The following ABHD6 variants were observed in gnomAD, a reference collection of about 807,000 sequenced individuals.
ABHD6 encodes the protein monoacylglycerol lipase ABHD6.
In ABHD6, 33 loss-of-function variants were observed where a neutral mutation model predicts 38.8. That is an observed-to-expected ratio of 0.85 (90% CI 0.64 to 1.14). The LOEUF is 1.14. ABHD6 is among the 50% of genes most tolerant of loss of function. The pLI is 0.00. For synonymous variants in ABHD6, 147 were observed against 161.6 expected (o/e 0.91, Z 0.69); for missense variants, 380 against 422.6 (o/e 0.90, Z 0.88).
chr3:58,242,816 C>T (rs534490436), intron 1 of ABHD6, among the ~76,000 whole-genome samples: 1 of 152,306 alleles, frequency 6.6e-6, no homozygotes, highest in East Asian at 1.9e-4. Context: ...TGGTTTGCTG[C>T]ACCCGTTAAC....
rs11382919 is a variant in ABHD6 at position 58,265,003 on chromosome 3, A to AT, written c.120-2178dup. Among the ~76,000 whole-genome samples the AT allele has an allele frequency of 0.48, 72,650 of 151,526 alleles. 18,065 individuals are homozygous for AT. The highest frequency in any genetic ancestry group is 0.79 in the East Asian group (4,075 of 5,152). The stretch of plus-strand genomic sequence containing the variant: ...ATAGTAGGTCTTATTCATTCTTTCT[A>AT]TTTTTTTTGTACCCATTAACCATCC... On this transcript the variant is annotated intron_variant, in intron 3 of 9. Transcript: ENST00000478253. This position sits in a 1 kb window ranked among gnomAD's most constrained non-coding sequence, Gnocchi z 4.2.
Position 58,270,980 on chromosome 3 carries a change from A to G in ABHD6, c.439A>G (p.Thr147Ala), listed in dbSNP as rs959583409. ...LNKKPFHLVG[T>A]SMGGQVAGVY... ...CAAAAAACCTTTCCACCTGGTAGGC[A>G]CCTCCATGGGTGGCCAGGTGGCTGG... The change falls in exon 6 of 10, where the codon ACC (threonine) becomes GCC (alanine). Residue 147 changes from threonine (T) to alanine (A), a missense_variant. Coordinates refer to ENST00000478253, the MANE Select transcript of ABHD6 (RefSeq NM_001320126.2). 1.2e-6 allele frequency: 2 copies of G among 1,611,774 alleles called. No individual in the cohort carries two copies. Among genetic ancestry groups the G allele is most frequent in the Non-Finnish European group, 1.7e-6 (2 of 1,179,444 alleles).
chr3:58,248,112 T>C lies in ABHD6; in HGVS notation c.-90-1766T>C, dbSNP rs188386407. 1.2e-4 allele frequency among the ~76,000 whole-genome samples: 18 copies of C among 152,332 alleles called. No individual in the cohort carries two copies. In the East Asian group the frequency reaches 2.7e-3, roughly 23 times the overall value. ...TTTCAGTGTTAGGGTATTACTCTTA[T>C]CCACTGTCTTCTGTTCCATGCTTTT... is the stretch of plus-strand genomic sequence containing the variant. On this transcript the variant is annotated intron_variant, in intron 1 of 9. Coordinates refer to ENST00000478253, the MANE Select transcript of ABHD6 (RefSeq NM_001320126.2).
rs1165841594 is a variant in ABHD6 at position 58,251,920 on chromosome 3, T to C, written c.-26+1978T>C. Among the ~76,000 whole-genome samples the C allele has an allele frequency of 6.6e-6, 1 of 152,220 alleles. No homozygotes were observed. The highest frequency in any genetic ancestry group is 1.5e-5 in the Non-Finnish European group (1 of 68,038). On this transcript the variant is annotated intron_variant, in intron 2 of 9. Transcript: ENST00000478253. This position sits in a 1 kb window ranked among gnomAD's most constrained non-coding sequence, Gnocchi z 5.4. ...ACTCTATTAGGAAAGAAGATTCTTG[T>C]GGGAGCAAGCCAAATCCTACTCTTT...
intron 3 of ABHD6, among the ~76,000 whole-genome samples, chr3:58,261,540 T>C (rs927211678): frequency 6.6e-6 from 1 of 152,062 alleles, no homozygotes; most frequent in African/African-American, 2.4e-5. Context: ...TGCCACCTAA[T>C]TTTTGCGGTT....
rs2097432988 is a variant in ABHD6, at chr3:58,256,054, T to C, written c.-25-508T>C. Among the ~76,000 whole-genome samples the C allele has an allele frequency of 6.7e-6, 1 of 149,030 alleles. No individual in the cohort carries two copies. Among genetic ancestry groups the C allele is most frequent in the South Asian group, 2.1e-4 (1 of 4,666 alleles). On this transcript the variant is annotated intron_variant, in intron 2 of 9. Coordinates refer to ENST00000478253, the MANE Select transcript of ABHD6 (RefSeq NM_001320126.2). The surrounding 1 kb of genome is among the most constrained non-coding windows in gnomAD (Gnocchi z 4.3). ...TAGCATTTTACCATATTTGCTTTATTTCTCTCTCTTTTCCTCCCACCAACA... is the reference window on the plus strand; with the variant it reads ...TAGCATTTTACCATATTTGCTTTATCTCTCTCTCTTTTCCTCCCACCAACA...
At chr3:58,275,751 A>G (rs1471184780) in intron 7 of ABHD6, among the ~76,000 whole-genome samples, 1 of 152,094 alleles carries the variant, frequency 6.6e-6, no homozygotes, top group East Asian at 1.9e-4. Flanking sequence ...CCATCAACTC[A>G]CCATTCACGT....
Position 58,259,701 on chromosome 3 carries a change from CATAAAT to C in ABHD6, c.119+3003_119+3008del, listed in dbSNP as rs546523775. On this transcript the variant is annotated intron_variant, in intron 3 of 9. Transcript: ENST00000478253. The surrounding 1 kb of genome is among the most constrained non-coding windows in gnomAD (Gnocchi z 4.7). ...TGTCTAAATAAATAAATAAATGAAA[CATAAAT>C]ATAAATGTAAATAAATAAAATGTAC... is the stretch of plus-strand genomic sequence containing the variant. Among the ~76,000 whole-genome samples, 149 of 152,160 alleles carry C rather than the reference CATAAAT, an allele frequency of 9.8e-4. No individual in the cohort carries two copies. Among genetic ancestry groups the C allele is most frequent in the Non-Finnish European group, 2.0e-3 (136 of 67,986 alleles).
intron 9 of ABHD6, among the ~76,000 whole-genome samples, chr3:58,289,876 A>C (rs1245598582): frequency 1.5e-4 from 7 of 46,624 alleles, no homozygotes; most frequent in Admixed American, 5.5e-4. Context: ...TGACCCCCCC[A>C]CCTCCCTCCC....
At chr3:58,291,397 G>A (rs1361241016) in intron 9 of ABHD6, among the ~76,000 whole-genome samples, 2 of 146,674 alleles carry the variant, frequency 1.4e-5, no homozygotes, top group Non-Finnish European at 1.5e-5. Context: ...ACCGTGGGGA[G>A]AGGGAGAGGG....
chr3:58,275,330 CTT>C (rs34839470), intron 7 of ABHD6, among the ~76,000 whole-genome samples: 2 of 133,184 alleles, frequency 1.5e-5, no homozygotes, highest in African/African-American at 2.9e-5. Flanking sequence ...CCCTTATACT[CTT>C]TTTTTTTTTT....
In ABHD6 at chr3:58,273,236, G is replaced by A. The variant is rs1234030883; in HGVS notation, c.524-1422G>A. Among the ~76,000 whole-genome samples the A allele has an allele frequency of 6.6e-6, 1 of 152,058 alleles. No individual in the cohort carries two copies. The highest frequency in any genetic ancestry group is 1.9e-4 in the East Asian group (1 of 5,178). On this transcript the variant is annotated intron_variant, in intron 6 of 9. Transcript: ENST00000478253. The surrounding 1 kb of genome is among the most constrained non-coding windows in gnomAD (Gnocchi z 4.8). ...CTGCATCACGACCAATATTATTGATGCTACTGCCTTTCATTATAAAATCTA... is the reference window on the plus strand; with the variant it reads ...CTGCATCACGACCAATATTATTGATACTACTGCCTTTCATTATAAAATCTA...
intron 3 of ABHD6, chr3:58,258,676 G>A (rs1310306135): frequency 1.1e-5 from 2 of 177,860 alleles, no homozygotes; most frequent in Admixed American, 1.1e-4. Context: ...ACTCACTTCT[G>A]TACGTAGAAG....
Position 58,240,029 on chromosome 3 carries a change from G to A in ABHD6, c.-91+2113G>A, listed in dbSNP as rs137925884. Among the ~76,000 whole-genome samples, 34 of 151,610 alleles carry A rather than the reference G, an allele frequency of 2.2e-4. No individual in the cohort carries two copies. The East Asian group carries it at 6.2e-3, about 28-fold the overall frequency. ...TAGCTGGGAGTGGTGTTGCGTACCTGTAGTCCCGGCTACTTGGGAGGCTGG... is the reference window on the plus strand; with the variant it reads ...TAGCTGGGAGTGGTGTTGCGTACCTATAGTCCCGGCTACTTGGGAGGCTGG... On this transcript the variant is annotated intron_variant, in intron 1 of 9. Transcript: ENST00000478253.
chr3:58,260,547 T>G (rs1052957059), intron 3 of ABHD6, among the ~76,000 whole-genome samples: 2 of 152,178 alleles, frequency 1.3e-5, no homozygotes, highest in Non-Finnish European at 2.9e-5. Flanking sequence ...TCACCACAAG[T>G]GACATTTACA....
rs550951232 is a variant in ABHD6 at position 58,291,885 on chromosome 3, G to A, written c.838-1704G>A. 1.1e-4 allele frequency among the ~76,000 whole-genome samples: 17 copies of A among 152,330 alleles called. 1 individual carries two copies. Among genetic ancestry groups the A allele is most frequent in the African/African-American group, 4.1e-4 (17 of 41,568 alleles). Reference sequence around the variant, plus strand: ...GGATCACTTGAGCCCGGGAGGTCAAGGCTGCAGTGAGCCATGATCGTGCCA... The same window carrying A: ...GGATCACTTGAGCCCGGGAGGTCAAAGCTGCAGTGAGCCATGATCGTGCCA... On this transcript the variant is annotated intron_variant, in intron 9 of 9. Transcript: ENST00000478253.
chr3:58,276,466 T>C (rs1473593557), intron 7 of ABHD6, among the ~76,000 whole-genome samples: 2 of 152,192 alleles, frequency 1.3e-5, no homozygotes, highest in Non-Finnish European at 2.9e-5. Flanking sequence ...TGGGGTTGTT[T>C]TTTTTTCTGA....
Position 58,256,779 on chromosome 3 carries a change from G to C in ABHD6, c.119+74G>C. The C allele has an allele frequency of 8.3e-7, 1 of 1,204,070 alleles. No homozygotes were observed. The highest frequency in any genetic ancestry group is 1.2e-6 in the Non-Finnish European group (1 of 831,176). 74.6% of individuals were successfully genotyped at this position (1,204,070 alleles called of 1,614,324 possible). ...ATCTTCTCTGCTTGTCCTTTTTGTG[G>C]TTATTGTCCAACATTTTATCAGGAA... On this transcript the variant is annotated intron_variant, in intron 3 of 9. Coordinates refer to ENST00000478253, the MANE Select transcript of ABHD6 (RefSeq NM_001320126.2). This position sits in a 1 kb window ranked among gnomAD's most constrained non-coding sequence, Gnocchi z 4.3.
chr3:58,244,620 T>C (rs1468351042), intron 1 of ABHD6, among the ~76,000 whole-genome samples: 1 of 151,986 alleles, frequency 6.6e-6, no homozygotes, highest in Non-Finnish European at 1.5e-5. Flanking sequence ...AAAAATTAGC[T>C]GGGCGTGGTG....
Sources: gnomAD v4.1 joint callset for allele counts (sites outside exome capture counted in the v4.1 genomes callset) on GRCh38, gnomAD v4.1.1 for gene constraint, Gnocchi (gnomAD v3.1) non-coding constraint, MANE v1.5 for transcripts, NCBI Gene and HGNC (gene_info 2026-07-23, HGNC 2026-07-21) for gene names.